RPS6KC1: variants seen among roughly 807,000 people sequenced by gnomAD.
RPS6KC1 encodes the protein ribosomal protein S6 kinase C1, also known as inactive ribosomal protein S6 kinase delta-1.
A neutral mutation model predicts 103.8 loss-of-function variants in RPS6KC1; 54 were observed. That is an observed-to-expected ratio of 0.52 (90% CI 0.42 to 0.65). The LOEUF is 0.65. RPS6KC1 is among the 30% of genes least tolerant of loss of function. The pLI is 0.00. For missense variants in RPS6KC1, 1,151 were observed against 1,253.8 expected, an observed-to-expected ratio of 0.92 and a Z score of 1.24; for synonymous variants, 439 against 438.7, an observed-to-expected ratio of 1.00 and a Z score of -0.01.
At chr1:213,846,054 A>G in the RPS6KC1 span, among the ~76,000 whole-genome samples, 49 of 148,958 alleles carry the variant, frequency 3.3e-4, no homozygotes, top group Non-Finnish European at 5.0e-4. Flanking sequence ...GCACTTTGGG[A>G]GGCTGAGGTA....
chr1:213,253,951 A>G (rs1296723802), intron 12 of RPS6KC1, among the ~76,000 whole-genome samples: 4 of 152,188 alleles, frequency 2.6e-5, no homozygotes, highest in Admixed American at 6.5e-5. Context: ...TCTGAATATC[A>G]TAAGGACTAT....
the RPS6KC1 span, among the ~76,000 whole-genome samples, chr1:213,598,580 C>T: frequency 5.3e-5 from 8 of 152,030 alleles, no homozygotes; most frequent in East Asian, 1.9e-4. Context: ...GAAACTCTCC[C>T]GGAAAAATAT....
At chr1:213,732,786 A>T in the RPS6KC1 span, among the ~76,000 whole-genome samples, 3 of 152,180 alleles carry the variant, frequency 2.0e-5, no homozygotes, top group African/African-American at 7.2e-5. Context: ...ATGAAAATAT[A>T]TTTTAATCTC....
intron 8 of RPS6KC1, among the ~76,000 whole-genome samples, chr1:213,198,102 T>G (rs950819011): frequency 1.3e-5 from 2 of 152,194 alleles, no homozygotes; most frequent in Non-Finnish European, 2.9e-5. Flanking sequence ...GATGTTTTGT[T>G]TTAAGATTTA....
chr1:213,745,437 A>C, the RPS6KC1 span, among the ~76,000 whole-genome samples: 1 of 150,270 alleles, frequency 6.7e-6, no homozygotes, highest in African/African-American at 2.5e-5. Context: ...AAAAAAAAAA[A>C]CACTTTCAAT....
chr1:213,803,494 G>A, the RPS6KC1 span, among the ~76,000 whole-genome samples: 13 of 152,160 alleles, frequency 8.5e-5, no homozygotes, highest in South Asian at 6.2e-4. Context: ...TGATCCGCCC[G>A]CCTCGGCCTC....
chr1:213,533,655 A>T, the RPS6KC1 span, among the ~76,000 whole-genome samples: 1 of 152,112 alleles, frequency 6.6e-6, no homozygotes, highest in Admixed American at 6.5e-5. Flanking sequence ...GACTACCCTC[A>T]CTTGAAAGCC....
chr1:213,602,035 T>C, the RPS6KC1 span, among the ~76,000 whole-genome samples: 124 of 23,732 alleles, frequency 5.2e-3, 13 homozygotes, highest in East Asian at 0.073. Flanking sequence ...TTTCTCTTTC[T>C]CTTTCTTTCT....
At chr1:213,695,597 TC>T in the RPS6KC1 span, among the ~76,000 whole-genome samples, 1 of 152,246 alleles carries the variant, frequency 6.6e-6, no homozygotes, top group Non-Finnish European at 1.5e-5. Flanking sequence ...GTTTTTATCT[TC>T]CCTTTTCTTG....
chr1:213,627,232 T>C, the RPS6KC1 span, among the ~76,000 whole-genome samples: 1 of 152,106 alleles, frequency 6.6e-6, no homozygotes, highest in East Asian at 1.9e-4. Flanking sequence ...CTGTCTGTTA[T>C]TGGTGTATAA....
the RPS6KC1 span, among the ~76,000 whole-genome samples, chr1:213,660,087 C>T: frequency 9.9e-5 from 15 of 152,120 alleles, no homozygotes; most frequent in South Asian, 2.1e-4. Context: ...GTTGGAGATC[C>T]GAGGTTACTG....
chr1:213,769,045 T>C, the RPS6KC1 span, among the ~76,000 whole-genome samples: 1 of 151,980 alleles, frequency 6.6e-6, no homozygotes, highest in Non-Finnish European at 1.5e-5. Flanking sequence ...CTACAATATA[T>C]AGACAGAGGG....
intron 12 of RPS6KC1, among the ~76,000 whole-genome samples, chr1:213,250,827 T>TA (rs907902988): frequency 1.3e-5 from 2 of 152,044 alleles, no homozygotes; most frequent in Admixed American, 6.6e-5. Context: ...TACAAAAACT[T>TA]AAAAAAAATT....
downstream of RPS6KC1, among the ~76,000 whole-genome samples, chr1:213,275,885 C>T (rs936817026): frequency 3.9e-5 from 6 of 152,172 alleles, no homozygotes; most frequent in African/African-American, 1.2e-4. Context: ...TCCCCTGGCC[C>T]GCAGCCTCTG....
At chr1:213,431,879 T>C in the RPS6KC1 span, among the ~76,000 whole-genome samples, 1 of 152,184 alleles carries the variant, frequency 6.6e-6, no homozygotes, top group Non-Finnish European at 1.5e-5. Flanking sequence ...ATAATGAAGA[T>C]TTCCAAAGAG....
the RPS6KC1 span, among the ~76,000 whole-genome samples, chr1:213,485,501 A>G: frequency 6.6e-6 from 1 of 152,178 alleles, no homozygotes; most frequent in Non-Finnish European, 1.5e-5. Context: ...CTAGAATGCA[A>G]GCATCACAAA....
chr1:213,085,226 C>A (rs2080276392), intron 3 of RPS6KC1, among the ~76,000 whole-genome samples: 1 of 152,160 alleles, frequency 6.6e-6, no homozygotes. Context: ...TCAGGGTCCT[C>A]AACTTCAAAC....
At chr1:213,114,671 C>A (rs1174234010) in intron 4 of RPS6KC1, among the ~76,000 whole-genome samples, 1 of 151,886 alleles carries the variant, frequency 6.6e-6, no homozygotes, top group Non-Finnish European at 1.5e-5. Context: ...TTTGCCCATT[C>A]AGTATGATAT....
the RPS6KC1 span, among the ~76,000 whole-genome samples, chr1:213,755,252 G>A: frequency 6.6e-6 from 1 of 152,210 alleles, no homozygotes; most frequent in South Asian, 2.1e-4. Context: ...ACTTTTAATG[G>A]CAAAAGCTGC....
Sources: allele counts gnomAD v4.1 joint callset (sites outside exome capture counted in the v4.1 genomes callset), GRCh38; gene constraint gnomAD v4.1.1; transcripts MANE v1.5; gene names NCBI Gene and HGNC (gene_info 2026-07-23, HGNC 2026-07-21).